Variants in EPM2A observed in about 807,000 individuals in gnomAD.
EPM2A encodes the protein laforin.
EPM2A carries 21 observed loss-of-function variants against 26.5 expected under a neutral mutation model. The observed-to-expected ratio is 0.79, with a 90% CI of 0.56 to 1.14. EPM2A has a LOEUF of 1.14. EPM2A is among the 50% of genes most tolerant of loss of function. The pLI, the probability that EPM2A is intolerant of heterozygous loss-of-function variation, is 0.00. For synonymous variants in EPM2A, 217 were observed against 177.6 expected (o/e 1.22, Z -1.76); for missense variants, 458 against 440.8 (o/e 1.04, Z -0.35).
At chr6:145,392,686 A>G (rs1470012981) in intron 4 of EPM2A, among the ~76,000 whole-genome samples, 1 of 152,142 alleles carries the variant, frequency 6.6e-6, no homozygotes, top group East Asian at 1.9e-4. Flanking sequence ...AAACAGACTC[A>G]GTTGAATTTG....
chr6:145,437,836 T>A (rs1779008696), intron 4 of EPM2A, among the ~76,000 whole-genome samples: 1 of 152,234 alleles, frequency 6.6e-6, no homozygotes, highest in South Asian at 2.1e-4. Flanking sequence ...GAAGGTGACA[T>A]GCTTTGTACA....
chr6:145,632,622 G>T (rs1382414224), intron 3 of EPM2A, among the ~76,000 whole-genome samples: 1 of 152,180 alleles, frequency 6.6e-6, no homozygotes, highest in Non-Finnish European at 1.5e-5. Flanking sequence ...ATTATAACAG[G>T]TCTGTGACAA....
chr6:145,496,980 C>T (rs1779830095), downstream of EPM2A, among the ~76,000 whole-genome samples: 1 of 152,148 alleles, frequency 6.6e-6, no homozygotes, highest in Admixed American at 6.5e-5. Flanking sequence ...TGATTTTTAG[C>T]TTCCCTGCAT....
intron 4 of EPM2A, among the ~76,000 whole-genome samples, chr6:145,413,728 G>C (rs2114677160): frequency 6.6e-6 from 1 of 152,270 alleles, no homozygotes; most frequent in Non-Finnish European, 1.5e-5. Context: ...TATTAACCCT[G>C]TAACTTCTAT....
downstream of EPM2A, among the ~76,000 whole-genome samples, chr6:145,624,529 T>C (rs1343487634): frequency 3.3e-5 from 5 of 152,208 alleles, no homozygotes; most frequent in Non-Finnish European, 5.9e-5. Flanking sequence ...TGACTTATCC[T>C]TTACCTTTGG....
rs945379250 is a variant in EPM2A, at chr6:145,626,518, C to T, written c.*898G>A. The T allele has an allele frequency of 1.0e-5, 10 of 985,590 alleles. No homozygotes were observed. Among genetic ancestry groups the T allele is most frequent in the Middle Eastern group, 5.2e-4 (1 of 1,914 alleles). 61.1% of individuals were successfully genotyped at this position (985,590 alleles called of 1,614,324 possible). On this transcript the variant is annotated 3_prime_UTR_variant, in exon 4 of 4. Transcript: ENST00000367519. ...CTGATCAGAATACTATTCTATGTCT[C>T]GCTATAGAAACTCCTGCAGGCATAT...
intron 1 of EPM2A, 44 bp downstream of exon 1, chr6:145,735,154 G>C (rs1167830435): frequency 1.4e-6 from 2 of 1,412,142 alleles, no homozygotes; most frequent in Non-Finnish European, 9.5e-7. Flanking sequence ...GGTGCGGGCC[G>C]GAGCTCCCGC....
In EPM2A at chr6:145,449,232, C is replaced by A. The variant is rs1294360718; in HGVS notation, c.555+53290G>T. On this transcript the variant is annotated intron_variant, in intron 4 of 4. Coordinates refer to the EPM2A transcript ENST00000638717. ...TTTAAATCAAGTGATTGGAGAAATG[C>A]CAAGTGCAAGGTTTCAGGTGGTGAA... is the stretch of plus-strand genomic sequence containing the variant. 3.3e-5 allele frequency among the ~76,000 whole-genome samples: 5 copies of A among 152,212 alleles called. No homozygotes were observed. The East Asian group carries it at 5.8e-4, about 18-fold the overall frequency.
At chr6:145,735,535 TC>T (rs1464345693), upstream of EPM2A, 3 of 1,162,508 alleles carry the variant, frequency 2.6e-6, no homozygotes, top group Non-Finnish European at 3.2e-6. Context: ...GGGCCCGGAG[TC>T]CCCGCGGCCG....
intron 2 of EPM2A, among the ~76,000 whole-genome samples, chr6:145,568,535 C>T (rs1780914440): frequency 6.6e-6 from 1 of 152,108 alleles, no homozygotes; most frequent in Non-Finnish European, 1.5e-5. Flanking sequence ...GTTGACCAGG[C>T]TGGTCTCGAA....
chr6:145,645,606 C>CTT (rs112139648), intron 2 of EPM2A, among the ~76,000 whole-genome samples: 13 of 147,126 alleles, frequency 8.8e-5, no homozygotes, highest in African/African-American at 2.7e-4. Flanking sequence ...TCCTGGCAAA[C>CTT]TTTTTTTTTT....
intron 2 of EPM2A, among the ~76,000 whole-genome samples, chr6:145,685,431 GT>G (rs1375327753): frequency 6.6e-6 from 1 of 152,080 alleles, no homozygotes; most frequent in Non-Finnish European, 1.5e-5. Context: ...TATGAGAGAT[GT>G]CAATTTCTTA....
At chr6:145,424,978 A>ATAAC in intron 4 of EPM2A, among the ~76,000 whole-genome samples, 1 of 57,080 alleles carries the variant, frequency 1.8e-5, no homozygotes, top group Non-Finnish European at 4.0e-5. Flanking sequence ...ACATAGATCC[A>ATAAC]TATCTATCTA....
downstream of EPM2A, among the ~76,000 whole-genome samples, chr6:145,621,879 A>G (rs1218258571): frequency 1.3e-5 from 2 of 152,110 alleles, no homozygotes; most frequent in Non-Finnish European, 2.9e-5. Flanking sequence ...CAAATATTCC[A>G]TTGTGTAGGT....
intron 4 of EPM2A, chr6:145,489,520 C>T (rs1779727828): frequency 3.3e-6 from 2 of 608,818 alleles, no homozygotes; most frequent in South Asian, 2.1e-5. Flanking sequence ...AGCACAACAA[C>T]AAATAGCTTA....
At position 145,438,533 on chromosome 6, in the gene EPM2A, T is replaced by A. The variant is rs532588422; in HGVS notation, c.556-54436A>T. Among the ~76,000 whole-genome samples, 6 of 148,464 alleles carry A rather than the reference T, an allele frequency of 4.0e-5. No homozygotes were observed. The South Asian group carries it at 1.3e-3, about 32-fold the overall frequency. On this transcript the variant is annotated intron_variant, in intron 4 of 4. Transcript: ENST00000638717. The stretch of plus-strand genomic sequence containing the variant: ...CTGTCACCCAGGCTGGAGTGCAGTG[T>A]CATCATCTTGGCTCCCTGCAACCTC...
intron 4 of EPM2A, among the ~76,000 whole-genome samples, chr6:145,413,478 A>G (rs990644246): frequency 1.3e-5 from 2 of 152,178 alleles, no homozygotes; most frequent in African/African-American, 4.8e-5. Context: ...ATAGAATCTT[A>G]ATAGTAGACA....
intron 4 of EPM2A, among the ~76,000 whole-genome samples, chr6:145,483,446 T>C (rs994856192): frequency 1.3e-5 from 2 of 152,146 alleles, no homozygotes; most frequent in Non-Finnish European, 2.9e-5. Flanking sequence ...TAGCCTCTTA[T>C]ATTTGAGGTT....
At chr6:145,573,725 G>C (rs1172243976) in intron 2 of EPM2A, among the ~76,000 whole-genome samples, 1 of 152,180 alleles carries the variant, frequency 6.6e-6, no homozygotes, top group Non-Finnish European at 1.5e-5. Flanking sequence ...AGCCAATGTG[G>C]GGGTTCTGCC....
Sources: gnomAD v4.1 joint callset for allele counts (sites outside exome capture counted in the v4.1 genomes callset) on GRCh38, gnomAD v4.1.1 for gene constraint, MANE v1.5 for transcripts, NCBI Gene and HGNC (gene_info 2026-07-23, HGNC 2026-07-21) for gene names.